The following EDN1 variants were observed in gnomAD, a reference collection of about 807,000 sequenced individuals.
EDN1 encodes endothelin 1, also known as endothelin-1.
A neutral mutation model predicts 21.7 loss-of-function variants in EDN1; 11 were observed. The observed-to-expected ratio is 0.51, with a 90% CI of 0.32 to 0.84. EDN1 has a LOEUF of 0.84. EDN1 is among the 40% of genes least tolerant of loss of function. The pLI is 0.03. For synonymous variants in EDN1, 85 were observed against 90.6 expected (o/e 0.94, Z 0.35); for missense variants, 244 against 262.3 (o/e 0.93, Z 0.48).
At chr6:12,263,171 A>G in the EDN1 span, among the ~76,000 whole-genome samples, 14 of 152,366 alleles carry the variant, frequency 9.2e-5, no homozygotes, top group Admixed American at 7.2e-4. Context: ...AATGTATTGA[A>G]TATTCTGACA....
chr6:12,244,101 TA>T, the EDN1 span, among the ~76,000 whole-genome samples: 35 of 152,124 alleles, frequency 2.3e-4, no homozygotes, highest in African/African-American at 8.2e-4. Context: ...GGGTTACATT[TA>T]CTATATCAAA....
chr6:12,244,445 C>T, the EDN1 span, among the ~76,000 whole-genome samples: 3 of 152,182 alleles, frequency 2.0e-5, no homozygotes. Context: ...ACAAGTTTAC[C>T]AAAATTCAAA....
intron 2 of EDN1, among the ~76,000 whole-genome samples, chr6:12,292,913 G>T (rs1762722345): frequency 6.6e-6 from 1 of 152,200 alleles, no homozygotes; most frequent in Non-Finnish European, 1.5e-5. Context: ...CAGAAGTGAT[G>T]ATATAGAGGG....
the EDN1 span, among the ~76,000 whole-genome samples, chr6:12,231,573 G>A: frequency 1.1e-4 from 16 of 152,146 alleles, no homozygotes; most frequent in African/African-American, 1.7e-4. Context: ...AAGCAAAATG[G>A]AAATATTTCA....
chr6:12,274,091 G>A, the EDN1 span, among the ~76,000 whole-genome samples: 2 of 152,174 alleles, frequency 1.3e-5, no homozygotes, highest in Non-Finnish European at 1.5e-5. Flanking sequence ...AGCAGAGCAG[G>A]TATCTGGTGA....
chr6:12,248,462 G>A, the EDN1 span, among the ~76,000 whole-genome samples: 2 of 152,138 alleles, frequency 1.3e-5, no homozygotes, highest in South Asian at 2.1e-4. Flanking sequence ...TGAAATTCAT[G>A]ATTCTGACAT....
chr6:12,242,066 G>T, the EDN1 span, among the ~76,000 whole-genome samples: 1 of 152,190 alleles, frequency 6.6e-6, no homozygotes, highest in African/African-American at 2.4e-5. Flanking sequence ...AGCTTTGAAA[G>T]AATTTCCTCA....
At chr6:12,283,204 AC>A in the EDN1 span, among the ~76,000 whole-genome samples, 1 of 152,226 alleles carries the variant, frequency 6.6e-6, no homozygotes, top group East Asian at 1.9e-4. Flanking sequence ...TACGAAGACA[AC>A]CAGTAAAATA....
At chr6:12,260,806 C>G in the EDN1 span, among the ~76,000 whole-genome samples, 672 of 152,128 alleles carry the variant, frequency 4.4e-3, 4 homozygotes, top group African/African-American at 0.015. Context: ...ATCTCCTGGA[C>G]TTAGACCACT....
chr6:12,238,820 G>A, the EDN1 span, among the ~76,000 whole-genome samples: 1 of 152,148 alleles, frequency 6.6e-6, no homozygotes, highest in East Asian at 1.9e-4. Flanking sequence ...TTGACCAAAG[G>A]CATCCCAATT....
the EDN1 span, among the ~76,000 whole-genome samples, chr6:12,231,618 C>T: frequency 4.6e-5 from 7 of 152,276 alleles, no homozygotes; most frequent in South Asian, 1.0e-3. Context: ...AAAGCAAACA[C>T]ATGGTTGTCT....
chr6:12,271,552 TATC>T, the EDN1 span, among the ~76,000 whole-genome samples: 1 of 152,198 alleles, frequency 6.6e-6, no homozygotes. Context: ...TAGCTAGACT[TATC>T]ATCGACCATG....
chr6:12,276,161 C>CAA, the EDN1 span, among the ~76,000 whole-genome samples: 7 of 68,618 alleles, frequency 1.0e-4, no homozygotes, highest in African/African-American at 1.2e-4. Context: ...GACTCCATCT[C>CAA]AAAAAAAAAA....
intron 1 of EDN1, 41 bp downstream of exon 1, chr6:12,290,734 T>G (rs201673079): frequency 6.4e-7 from 1 of 1,553,766 alleles, no homozygotes; most frequent in South Asian, 1.1e-5. Flanking sequence ...GAATTACAAG[T>G]TAGTGTGTTC....
chr6:12,258,449 C>CAAAA, the EDN1 span, among the ~76,000 whole-genome samples: 153 of 63,656 alleles, frequency 2.4e-3, 28 homozygotes, highest in South Asian at 6.3e-3. Context: ...GATCATGTCT[C>CAAAA]AAAAAAAAAA....
chr6:12,242,763 C>A, the EDN1 span, among the ~76,000 whole-genome samples: 2 of 151,964 alleles, frequency 1.3e-5, no homozygotes, highest in Non-Finnish European at 1.5e-5. Context: ...ACTACACTGA[C>A]CTTTCTGTTT....
the EDN1 span, among the ~76,000 whole-genome samples, chr6:12,252,110 G>T: frequency 6.6e-6 from 1 of 152,212 alleles, no homozygotes; most frequent in South Asian, 2.1e-4. Flanking sequence ...ATCCTTTTAG[G>T]TTTCTGCATT....
the EDN1 span, among the ~76,000 whole-genome samples, chr6:12,277,581 A>T: frequency 1.3e-5 from 2 of 152,220 alleles, no homozygotes; most frequent in African/African-American, 2.4e-5. Flanking sequence ...GGATAGAATT[A>T]CTCAGGAGGT....
intron 4 of EDN1, among the ~76,000 whole-genome samples, chr6:12,295,026 A>C (rs1005719974): frequency 6.6e-6 from 1 of 151,004 alleles, no homozygotes; most frequent in Non-Finnish European, 1.5e-5. Context: ...GGGACAGAGA[A>C]GGGATCTGGA....
Sources: gnomAD v4.1 joint callset for allele counts (sites outside exome capture counted in the v4.1 genomes callset) on GRCh38, gnomAD v4.1.1 for gene constraint, MANE v1.5 for transcripts, NCBI Gene and HGNC (gene_info 2026-07-23, HGNC 2026-07-21) for gene names.